UACA: variants seen among roughly 807,000 people sequenced by gnomAD.
UACA encodes the protein nuclear membrane binding protein.
Under a neutral mutation model 160.5 loss-of-function variants are expected in UACA, and 112 were observed. The ratio of observed to expected loss-of-function variants is 0.70; its 90% CI spans 0.60 to 0.82. The LOEUF is 0.82. Ranked by LOEUF, UACA falls within the 40% of genes least tolerant of loss-of-function variation. The probability of loss-of-function intolerance (pLI) is 0.00; values close to 1 mark genes in which losing one functional copy is unlikely to be tolerated. For missense variants in UACA, 1,574 were observed against 1,614.6 expected (o/e 0.97, Z 0.43); for synonymous variants, 557 against 568.4 (o/e 0.98, Z 0.29).
At position 70,707,537 on chromosome 15, in the gene UACA, T is replaced by C. The variant is rs116216084; in HGVS notation, c.79-7877A>G. On this transcript the variant is annotated intron_variant, in intron 1 of 18. Coordinates refer to ENST00000322954, the MANE Select transcript of UACA (RefSeq NM_018003.4). Reference sequence around the variant, plus strand: ...AATCATATATCTAATAAGGGGCTAATACATAAATTACATTTTTAAATTACT... The same window carrying C: ...AATCATATATCTAATAAGGGGCTAACACATAAATTACATTTTTAAATTACT... 9.7e-3 allele frequency among the ~76,000 whole-genome samples: 1,481 copies of C among 152,190 alleles called. 32 individuals carry two copies. The highest frequency in any genetic ancestry group is 0.033 in the African/African-American group (1,377 of 41,550).
At chr15:70,678,290 AC>A in intron 10 of UACA, 84 bp from the exon 11 acceptor site, 1 of 806,712 alleles carries the variant, frequency 1.2e-6, no homozygotes, top group Non-Finnish European at 2.0e-6. Context: ...GCAGTTCACT[AC>A]CATACAGGTA....
chr15:70,726,751 C>T (rs1899155489), intron 1 of UACA, among the ~76,000 whole-genome samples: 1 of 152,168 alleles, frequency 6.6e-6, no homozygotes, highest in Non-Finnish European at 1.5e-5. Context: ...TCTGTTCAGC[C>T]TCCTTTATTT....
chr15:70,715,866 GTA>G (rs1463962413), intron 1 of UACA, among the ~76,000 whole-genome samples: 1 of 152,168 alleles, frequency 6.6e-6, no homozygotes, highest in African/African-American at 2.4e-5. Flanking sequence ...CTTAAGTGTT[GTA>G]TATACACAAT....
chr15:70,752,544 A>ATC (rs959130462), intron 1 of UACA, among the ~76,000 whole-genome samples: 32 of 145,694 alleles, frequency 2.2e-4, no homozygotes, highest in Admixed American at 1.0e-3. Flanking sequence ...CCCACCACTT[A>ATC]TCTCTCTCTC....
chr15:70,723,794 G>A (rs1332425057), intron 1 of UACA, among the ~76,000 whole-genome samples: 7 of 151,966 alleles, frequency 4.6e-5, no homozygotes, highest in Admixed American at 2.6e-4. Flanking sequence ...CACCACACCC[G>A]GCTAATTTTT....
Position 70,699,602 on chromosome 15 carries a change from TC to T in UACA, c.136del (p.Asp46MetfsTer2). 1 of 1,608,916 alleles carries T rather than the reference TC, an allele frequency of 6.2e-7. No homozygotes were observed. The highest frequency in any genetic ancestry group is 8.5e-7 in the Non-Finnish European group (1 of 1,178,786). On this transcript the variant is annotated frameshift_variant, in exon 2 of 19. Transcript: ENST00000322954. LOFTEE classifies it high-confidence loss of function. ...AAGGATTGAGGTCACTTTTTCTACA[TC>T]CCCCCTTTCTGCTGCTTTCATCAAT... is the stretch of plus-strand genomic sequence containing the variant. ...DRLMKAAERGDVEKVTSILAK... is the reference protein window; with the variant it reads ...DRLMKAAERGXVEKVTSILAK...
upstream of UACA, among the ~76,000 whole-genome samples, chr15:70,766,532 C>T (rs2031013160): frequency 6.6e-6 from 1 of 151,720 alleles, no homozygotes; most frequent in Non-Finnish European, 1.5e-5. Flanking sequence ...ATTATATATA[C>T]ACATGGTAAT....
intron 7 of UACA, among the ~76,000 whole-genome samples, chr15:70,684,770 T>C (rs1002340558): frequency 5.9e-5 from 9 of 152,146 alleles, no homozygotes; most frequent in Admixed American, 3.3e-4. Flanking sequence ...TCTTGAAGAA[T>C]AGACACTACT....
At position 70,667,421 on chromosome 15, in the gene UACA, TTC is replaced by T. The variant is rs1350011472; in HGVS notation, c.3261_3262del (p.Lys1088AlafsTer11). On this transcript the variant is annotated frameshift_variant, in exon 16 of 19. Coordinates refer to ENST00000322954, the MANE Select transcript of UACA (RefSeq NM_018003.4). LOFTEE classifies it high-confidence loss of function. ...CTGTTTGGCATTTTCTTCTACTAGC[TTC>T]TCTTTCACATTCTTTACTTCCGTGT... 1 of 1,610,792 alleles carries T rather than the reference TTC, an allele frequency of 6.2e-7. No individual in the cohort carries two copies. Among genetic ancestry groups the T allele is most frequent in the Non-Finnish European group, 8.5e-7 (1 of 1,179,748 alleles).
At chr15:70,671,196 C>A (rs1381100062) in intron 14 of UACA, 105 bp from the exon 15 acceptor site, 11 of 778,746 alleles carry the variant, frequency 1.4e-5, no homozygotes, top group Admixed American at 2.6e-5. Flanking sequence ...AAAAGAGAAG[C>A]AAGAGGTACA....
intron 8 of UACA, 50 bp from the exon 9 acceptor site, chr15:70,682,845 G>C (rs772056360): frequency 7.4e-7 from 1 of 1,355,110 alleles, no homozygotes; most frequent in Non-Finnish European, 1.0e-6. Flanking sequence ...TTAACTTGGG[G>C]TAGGTACGCA....
At chr15:70,745,092 GACCTCTTCAAGGAGA>G in intron 1 of UACA, among the ~76,000 whole-genome samples, 1 of 152,066 alleles carries the variant, frequency 6.6e-6, no homozygotes, top group Non-Finnish European at 1.5e-5. Context: ...GGATGTGAAG[GACCTCTTCAAGGAGA>G]ACTACAAACC....
chr15:70,726,799 A>G (rs540477940), intron 1 of UACA, among the ~76,000 whole-genome samples: 1 of 152,318 alleles, frequency 6.6e-6, no homozygotes, highest in South Asian at 2.1e-4. Flanking sequence ...TTTGTGATTT[A>G]TCACAAAGTT....
At chr15:70,709,669 CTA>C (rs1876423173) in intron 1 of UACA, among the ~76,000 whole-genome samples, 1 of 152,078 alleles carries the variant, frequency 6.6e-6, no homozygotes. Flanking sequence ...TTATTTAAGC[CTA>C]TGAGTCCAAT....
chr15:70,695,184 T>C, intron 2 of UACA, 79 bp from the exon 3 acceptor site: 2 of 913,224 alleles, frequency 2.2e-6, no homozygotes, highest in Non-Finnish European at 3.3e-6. Context: ...GTCACCCTTT[T>C]TCAACACACA....
chr15:70,679,501 G>T, intron 10 of UACA, 107 bp downstream of exon 10: 1 of 617,326 alleles, frequency 1.6e-6, no homozygotes, highest in Non-Finnish European at 2.7e-6. Context: ...CCCTTTCTTT[G>T]CCCCACTCAT....
chr15:70,676,645 TA>T, intron 12 of UACA, 54 bp from the exon 13 acceptor site: 1 of 1,459,132 alleles, frequency 6.9e-7, no homozygotes. Flanking sequence ...GGAATTGGAT[TA>T]AAAATGTGTT....
chr15:70,713,714 A>G (rs1414085034), intron 1 of UACA, among the ~76,000 whole-genome samples: 1 of 152,204 alleles, frequency 6.6e-6, no homozygotes, highest in Non-Finnish European at 1.5e-5. Context: ...TCATCCTGAC[A>G]TACTATTTTT....
intron 9 of UACA, 174 bp from the exon 10 acceptor site, chr15:70,679,850 A>C: frequency 7.8e-6 from 3 of 382,424 alleles, no homozygotes; most frequent in Non-Finnish European, 9.3e-6. Flanking sequence ...AGGACCTTTA[A>C]GACTATGTTT....
Sources: gnomAD v4.1 joint callset for allele counts (sites outside exome capture counted in the v4.1 genomes callset) on GRCh38, gnomAD v4.1.1 for gene constraint, MANE v1.5 for transcripts, NCBI Gene and HGNC (gene_info 2026-07-23, HGNC 2026-07-21) for gene names.